Variants in ATP13A3 observed in about 807,000 individuals in gnomAD.
The protein encoded by ATP13A3 is ATPase 13A3, also known as polyamine-transporting ATPase 13A3.
A neutral mutation model predicts 158.1 loss-of-function variants in ATP13A3; 59 were observed. The ratio of observed to expected loss-of-function variants is 0.37; its 90% CI spans 0.30 to 0.46. ATP13A3 has a LOEUF of 0.46. Ranked by LOEUF, ATP13A3 falls within the 20% of genes least tolerant of loss-of-function variation. The pLI, the probability that ATP13A3 is intolerant of heterozygous loss-of-function variation, is 1.00. For synonymous variants in ATP13A3, 491 were observed against 504.3 expected, an observed-to-expected ratio of 0.97 and a Z score of 0.35; for missense variants, 1,166 against 1,525.2, an observed-to-expected ratio of 0.76 and a Z score of 3.92.
chr3:194,413,926 T>C (rs1278745391), intron 31 of ATP13A3, 87 bp from the exon 32 acceptor site: 10 of 1,146,872 alleles, frequency 8.7e-6, no homozygotes, highest in Non-Finnish European at 1.3e-5. Context: ...TTTATTGAAT[T>C]CCTATGATGT....
At chr3:194,408,813 A>G (rs896916952) in intron 33 of ATP13A3, among the ~76,000 whole-genome samples, 1 of 152,214 alleles carries the variant, frequency 6.6e-6, no homozygotes, top group African/African-American at 2.4e-5. Flanking sequence ...TACCACACAC[A>G]TTCTCAAACA....
At chr3:194,411,819 T>A (rs1715456310) in intron 33 of ATP13A3, among the ~76,000 whole-genome samples, 1 of 152,202 alleles carries the variant, frequency 6.6e-6, no homozygotes. Context: ...TTTGTTTATA[T>A]AAATCTCATT....
In ATP13A3 at chr3:194,423,502, G is replaced by T. The variant is rs144211573; in HGVS notation, c.3313+1840C>A. On this transcript the variant is annotated intron_variant, in intron 30 of 33. Transcript: ENST00000645319. Reference sequence around the variant, plus strand: ...GGATCCAGTGACACACAGACAAGAGGTGAAAACTGGCAGAATGCCTGCATC... The same window carrying T: ...GGATCCAGTGACACACAGACAAGAGTTGAAAACTGGCAGAATGCCTGCATC... 6.2e-3 allele frequency among the ~76,000 whole-genome samples: 938 copies of T among 152,288 alleles called. 6 individuals carry two copies. Among genetic ancestry groups the T allele is most frequent in the Non-Finnish European group, 6.9e-3 (472 of 68,032 alleles).
chr3:194,406,820 T>C (rs1439263342), intron 33 of ATP13A3, among the ~76,000 whole-genome samples: 11 of 152,190 alleles, frequency 7.2e-5, no homozygotes, highest in Admixed American at 7.2e-4. Flanking sequence ...TTAATGTCAA[T>C]TACGTCTTTT....
chr3:194,484,089 G>C (rs1720868084), intron 2 of ATP13A3, among the ~76,000 whole-genome samples: 1 of 152,164 alleles, frequency 6.6e-6, no homozygotes, highest in Non-Finnish European at 1.5e-5. Flanking sequence ...TTTATCACCA[G>C]AATCTGAGGT....
At chr3:194,411,999 G>A (rs959404346) in intron 33 of ATP13A3, among the ~76,000 whole-genome samples, 200 bp downstream of exon 33, 7 of 152,128 alleles carry the variant, frequency 4.6e-5, no homozygotes, top group African/African-American at 1.4e-4. Flanking sequence ...TCTAACAAAT[G>A]TTTGCCATGA....
chr3:194,493,675 T>C (rs1484648925), intron 2 of ATP13A3, among the ~76,000 whole-genome samples: 1 of 152,128 alleles, frequency 6.6e-6, no homozygotes, highest in East Asian at 1.9e-4. Flanking sequence ...TTAGTGCATA[T>C]TTGTCTCACT....
At chr3:194,450,898 G>T (rs1269802925) in intron 10 of ATP13A3, 3 of 151,940 alleles carry the variant, frequency 2.0e-5, no homozygotes, top group African/African-American at 7.3e-5. Context: ...TTTAAAAAAA[G>T]ATCTTCCCTC....
Position 194,460,847 on chromosome 3 carries a change from G to A in ATP13A3, c.52-16C>T, listed in dbSNP as rs750469677. ...CATAAATCTCCTGCATGGACACAGCGATCACATGATTAATTATCAAATGAT... is the reference window on the plus strand; with the variant it reads ...CATAAATCTCCTGCATGGACACAGCAATCACATGATTAATTATCAAATGAT... On this transcript the variant is annotated splice_polypyrimidine_tract_variant and intron_variant, in intron 3 of 33. Coordinates refer to ENST00000645319, the MANE Select transcript of ATP13A3 (RefSeq NM_001367549.1). 101 of 1,600,936 alleles carry A rather than the reference G, an allele frequency of 6.3e-5. No individual in the cohort carries two copies. The highest frequency in any genetic ancestry group is 1.2e-4 in the Admixed American group (7 of 57,886).
chr3:194,427,353 G>A (rs1452539220), intron 28 of ATP13A3, 101 bp from the exon 29 acceptor site: 3 of 1,072,510 alleles, frequency 2.8e-6, no homozygotes, highest in Non-Finnish European at 2.6e-6. Context: ...ATTTGTTTTT[G>A]CCTAACAATT....
chr3:194,421,647 C>T (rs1210644503), intron 30 of ATP13A3, among the ~76,000 whole-genome samples: 1 of 150,830 alleles, frequency 6.6e-6, no homozygotes, highest in East Asian at 1.9e-4. Flanking sequence ...TTCACAAATG[C>T]AGCAACTAAA....
chr3:194,484,701 T>C (rs1490124706), intron 2 of ATP13A3, among the ~76,000 whole-genome samples: 6 of 152,196 alleles, frequency 3.9e-5, no homozygotes, highest in Non-Finnish European at 2.9e-5. Context: ...ATGAGCTCGA[T>C]AATGTGGTTT....
chr3:194,468,162 C>T (rs1720106437), intron 2 of ATP13A3: 1 of 151,962 alleles, frequency 6.6e-6, no homozygotes, highest in Non-Finnish European at 1.5e-5. Flanking sequence ...TTTTGTAATT[C>T]ACCAATTTTT....
chr3:194,438,400 T>C (rs367748270), intron 17 of ATP13A3, among the ~76,000 whole-genome samples: 48 of 152,350 alleles, frequency 3.2e-4, no homozygotes, highest in African/African-American at 1.1e-3. Context: ...CTTTCATACA[T>C]ACTTTTTATT....
chr3:194,435,115 T>TA (rs1717529839), intron 20 of ATP13A3, among the ~76,000 whole-genome samples: 1 of 152,210 alleles, frequency 6.6e-6, no homozygotes, highest in Non-Finnish European at 1.5e-5. Context: ...CTATGAAATC[T>TA]AAAATCTTTG....
intron 27 of ATP13A3, among the ~76,000 whole-genome samples, chr3:194,429,129 C>A (rs1396997829): frequency 2.0e-5 from 3 of 151,910 alleles, no homozygotes; most frequent in Non-Finnish European, 4.4e-5. Context: ...AAGGCATCTC[C>A]TTAAAATTCG....
At chr3:194,444,860 A>C in intron 14 of ATP13A3, 74 bp from the exon 15 acceptor site, 2 of 1,151,944 alleles carry the variant, frequency 1.7e-6, no homozygotes, top group Non-Finnish European at 2.5e-6. Flanking sequence ...TAAAAATAAA[A>C]AGCAACCACA....
intron 31 of ATP13A3, 170 bp downstream of exon 31, chr3:194,419,709 G>A: frequency 1.2e-6 from 1 of 857,326 alleles, no homozygotes; most frequent in Non-Finnish European, 1.4e-6. Context: ...AGATTAAACA[G>A]GTATAGCTAA....
In ATP13A3 at chr3:194,448,332, C is replaced by T. The variant is rs551733997; in HGVS notation, c.1150+125G>A. On this transcript the variant is annotated intron_variant, in intron 12 of 33. Transcript: ENST00000645319. This position sits in a 1 kb window ranked among gnomAD's most constrained non-coding sequence, Gnocchi z 4.0. ...TGACCTCATGATCCGCCCACCTCGG[C>T]TTCCCAAAGTGCTGGGATTACAGGC... 410 of 1,150,448 alleles carry T rather than the reference C, an allele frequency of 3.6e-4. 2 individuals are homozygous for T. Among genetic ancestry groups the T allele is most frequent in the Middle Eastern group, 1.9e-3 (7 of 3,656 alleles). The allele number at this position is 1,150,448 out of a possible 1,614,324, so 71.3% of individuals were successfully genotyped here. A position where few individuals can be genotyped will look rare whatever the true frequency, so the allele number is the denominator to read the frequency against.
Sources: gnomAD v4.1 joint callset for allele counts (sites outside exome capture counted in the v4.1 genomes callset) on GRCh38, gnomAD v4.1.1 for gene constraint, Gnocchi (gnomAD v3.1) non-coding constraint, MANE v1.5 for transcripts, NCBI Gene and HGNC (gene_info 2026-07-23, HGNC 2026-07-21) for gene names.